The following ZFAND5 variants were observed in gnomAD, a reference collection of about 807,000 sequenced individuals.
ZFAND5 encodes AN1-type zinc finger protein 5.
In ZFAND5, 4 loss-of-function variants were observed where a neutral mutation model predicts 23.6. That is an observed-to-expected ratio of 0.17 (90% CI 0.08 to 0.39). ZFAND5 has a LOEUF of 0.39. ZFAND5 is among the 10% of genes least tolerant of loss of function. ZFAND5 has a pLI of 1.00. For missense variants in ZFAND5, 161 were observed against 253.7 expected, an observed-to-expected ratio of 0.63 and a Z score of 2.48; for synonymous variants, 68 against 80.6, an observed-to-expected ratio of 0.84 and a Z score of 0.84.
intron 2 of ZFAND5, 122 bp from the exon 3 acceptor site, chr9:72,360,909 T>A (rs542627559): frequency 4.6e-4 from 394 of 851,348 alleles, no homozygotes; most frequent in Non-Finnish European, 5.8e-4. Flanking sequence ...CCGTTAATCA[T>A]TAAAAAGGGT....
rs1842073281 is a variant in ZFAND5, at chr9:72,360,773, A to G, written c.6T>C (p.Ala2=). ...GCCCCGGGGTCTGGTTAGTCTCCTG[A>G]GCCATATTTTTCTGCTATAGATGAA... is the stretch of plus-strand genomic sequence containing the variant. M[A]QETNQTPGPM... The change falls in exon 3 of 7, where the codon GCT becomes GCC. Residue 2 remains alanine (A), a synonymous_variant. Transcript: ENST00000376962. 1 of 1,599,816 alleles carries G rather than the reference A, an allele frequency of 6.3e-7. No individual in the cohort carries two copies. The highest frequency in any genetic ancestry group is 1.7e-5 in the Admixed American group (1 of 57,640).
At position 72,353,157 on chromosome 9, in the gene ZFAND5, T is replaced by C. The variant is rs1841822381; in HGVS notation, c.*2796A>G. ...GGGTGTAAATATTTGTCTGCTTATGTAAGGGAAACATGGTATATTATTAAA... is the reference window on the plus strand; with the variant it reads ...GGGTGTAAATATTTGTCTGCTTATGCAAGGGAAACATGGTATATTATTAAA... On this transcript the variant is annotated 3_prime_UTR_variant, in exon 7 of 7. Coordinates refer to ENST00000376962, the MANE Select transcript of ZFAND5 (RefSeq NM_001102420.3). 6.6e-6 allele frequency: 1 copy of C among 152,214 alleles called. No homozygotes were observed. 9.4% of individuals were successfully genotyped at this position (152,214 alleles called of 1,614,324 possible). A position where few individuals can be genotyped will look rare whatever the true frequency, so the allele number is the denominator to read the frequency against.
rs1258538607 is a variant in ZFAND5 at position 72,360,730 on chromosome 9, C to T, written c.49G>A (p.Gly17Arg). The T allele has an allele frequency of 6.2e-7, 1 of 1,613,578 alleles. No homozygotes were observed. The highest frequency in any genetic ancestry group is 8.5e-7 in the Non-Finnish European group (1 of 1,179,584). ...QTPGPMLCST[G>R]CGFYGNPRTN... is the part of the protein sequence containing the mutation. ...CTAGGATTTCCATAAAAGCCACATC[C>T]TGTGCTACACAGCATGGGCCCCGGG... The change falls in exon 3 of 7, where the codon GGA (glycine) becomes AGA (arginine). Residue 17 changes from glycine to arginine, a missense_variant. Physicochemically the swap from Gly to Arg is moderately radical, Grantham distance 125 (BLOSUM62 -2). Transcript: ENST00000376962.
intron 2 of ZFAND5, among the ~76,000 whole-genome samples, chr9:72,363,003 G>T (rs1842149114): frequency 6.6e-6 from 1 of 152,144 alleles, no homozygotes; most frequent in Non-Finnish European, 1.5e-5. Flanking sequence ...CAAAAAAAGG[G>T]CTGCTAGTTT....
chr9:72,364,673 A>T, intron 1 of ZFAND5, 23 bp downstream of exon 1: 2 of 1,097,426 alleles, frequency 1.8e-6, no homozygotes, highest in Non-Finnish European at 2.3e-6. Context: ...CCCGGCTCCC[A>T]CCCGCAGCCC....
chr9:72,360,330 TTCACTGTGCTG>T, intron 3 of ZFAND5, 109 bp from the exon 4 acceptor site: 1 of 973,486 alleles, frequency 1.0e-6, no homozygotes, highest in South Asian at 1.5e-5. Flanking sequence ...GATATAAGCA[TTCACTGTGCTG>T]TAATCCTATA....
Position 72,360,458 on chromosome 9 carries a change from T to C in ZFAND5, c.151+170A>G, listed in dbSNP as rs554616559. The C allele has an allele frequency of 2.6e-5, 24 of 929,982 alleles. 1 individual carries two copies. In the African/African-American group the frequency reaches 2.6e-4, roughly 10 times the overall value. 57.6% of individuals were successfully genotyped at this position (929,982 alleles called of 1,614,324 possible). On this transcript the variant is annotated intron_variant, in intron 3 of 6. Transcript: ENST00000376962. ...TGAAAAGCTATAAGATGCTTGTAGA[T>C]AGTCATTCATTCCTGATCAGTCATG...
In ZFAND5 at chr9:72,353,290, C is replaced by T. The variant is rs1841825801; in HGVS notation, c.*2663G>A. ...TCTCAGGTGCCTTACACACTGATTCCCTTTCTCCCCAGTCAATGGACAACC... is the reference window on the plus strand; with the variant it reads ...TCTCAGGTGCCTTACACACTGATTCTCTTTCTCCCCAGTCAATGGACAACC... On this transcript the variant is annotated 3_prime_UTR_variant, in exon 7 of 7. Coordinates refer to ENST00000376962, the MANE Select transcript of ZFAND5 (RefSeq NM_001102420.3). 6.6e-6 allele frequency: 1 copy of T among 152,154 alleles called. No individual in the cohort carries two copies. The highest frequency in any genetic ancestry group is 2.4e-5 in the African/African-American group (1 of 41,428). 9.4% of individuals were successfully genotyped at this position (152,154 alleles called of 1,614,324 possible). A position where few individuals can be genotyped will look rare whatever the true frequency, so the allele number is the denominator to read the frequency against.
intron 2 of ZFAND5, among the ~76,000 whole-genome samples, chr9:72,362,397 G>A (rs1310780599): frequency 6.6e-6 from 1 of 152,202 alleles, no homozygotes; most frequent in Non-Finnish European, 1.5e-5. Flanking sequence ...ATGCATGAAA[G>A]TTGGGTCACT....
rs1432907366 is a variant in ZFAND5 at position 72,354,192 on chromosome 9, A to C, written c.*1761T>G. ...AACATCATCTTTTACAACATGGAGAAGCGAGGTAGGCCATAATTGTTCAAA... is the reference window on the plus strand; with the variant it reads ...AACATCATCTTTTACAACATGGAGACGCGAGGTAGGCCATAATTGTTCAAA... On this transcript the variant is annotated 3_prime_UTR_variant, in exon 7 of 7. Coordinates refer to ENST00000376962, the MANE Select transcript of ZFAND5 (RefSeq NM_001102420.3). 2 of 152,248 alleles carry C rather than the reference A, an allele frequency of 1.3e-5. No individual in the cohort carries two copies. The highest frequency in any genetic ancestry group is 2.9e-5 in the Non-Finnish European group (2 of 68,046). 9.4% of individuals were successfully genotyped at this position (152,248 alleles called of 1,614,324 possible).
intron 4 of ZFAND5, 75 bp from the exon 5 acceptor site, chr9:72,359,596 A>C: frequency 3.0e-6 from 4 of 1,327,622 alleles, no homozygotes; most frequent in Non-Finnish European, 4.2e-6. Context: ...TTGTCAGTTC[A>C]ACTTTAAATT....
At chr9:72,360,366 CA>C (rs534224632) in intron 3 of ZFAND5, 145 bp from the exon 4 acceptor site, 1 of 857,332 alleles carries the variant, frequency 1.2e-6, no homozygotes, top group Non-Finnish European at 1.8e-6. Flanking sequence ...AGTATCCAAA[CA>C]AAAAATATTA....
Position 72,351,771 on chromosome 9 carries a change from G to A in ZFAND5, c.*4182C>T, listed in dbSNP as rs745504942. The A allele has an allele frequency of 1.3e-5, 2 of 152,100 alleles. No homozygotes were observed. The highest frequency in any genetic ancestry group is 2.9e-5 in the Non-Finnish European group (2 of 68,022). The allele number at this position is 152,100 out of a possible 1,614,324, so 9.4% of individuals were successfully genotyped here. A position where few individuals can be genotyped will look rare whatever the true frequency, so the allele number is the denominator to read the frequency against. On this transcript the variant is annotated 3_prime_UTR_variant, in exon 7 of 7. Coordinates refer to ENST00000376962, the MANE Select transcript of ZFAND5 (RefSeq NM_001102420.3). ...ATTCACCATGACTGACATGGTGCAT[G>A]TTCACTTGTTTTTAAAGCAGATTGT...
chr9:72,356,823 CT>C (rs34407229), intron 6 of ZFAND5, 107 bp downstream of exon 6: 411,863 of 1,099,302 alleles, frequency 0.37, 26,779 homozygotes, highest in African/African-American at 0.56. Context: ...GCTAGTCAGG[CT>C]TTTTTTTTTT....
chr9:72,359,623 A>G (rs1180388004), intron 4 of ZFAND5, 102 bp from the exon 5 acceptor site: 2 of 1,053,328 alleles, frequency 1.9e-6, no homozygotes, highest in African/African-American at 3.2e-5. Context: ...TATTTCCAAA[A>G]TGAGCAAATG....
chr9:72,361,322 A>T (rs2131983161), intron 2 of ZFAND5, among the ~76,000 whole-genome samples: 1 of 150,572 alleles, frequency 6.6e-6, no homozygotes, highest in East Asian at 2.0e-4. Flanking sequence ...ATGCTGAAAC[A>T]TCTTCATATA....
At chr9:72,356,785 C>T (rs896565960) in intron 6 of ZFAND5, 146 bp downstream of exon 6, 2 of 988,262 alleles carry the variant, frequency 2.0e-6, no homozygotes, top group South Asian at 4.7e-5. Context: ...CACCCCAATA[C>T]CACCTCCTCC....
rs1841781866 is a variant in ZFAND5, at chr9:72,351,845, G to A, written c.*4108C>T. On this transcript the variant is annotated 3_prime_UTR_variant, in exon 7 of 7. Coordinates refer to ENST00000376962, the MANE Select transcript of ZFAND5 (RefSeq NM_001102420.3). ...GAAACTGTATTTCCAGTTTCTTTTT[G>A]TTAACAGCCTGTTGCCTCACCCATG... 2 of 152,080 alleles carry A rather than the reference G, an allele frequency of 1.3e-5. No individual in the cohort carries two copies. Among genetic ancestry groups the A allele is most frequent in the Admixed American group, 1.3e-4 (2 of 15,276 alleles). The allele number at this position is 152,080 out of a possible 1,614,324, so 9.4% of individuals were successfully genotyped here.
rs1841790055 is a variant in ZFAND5, at chr9:72,352,156, A to G, written c.*3797T>C. 1 of 152,136 alleles carries G rather than the reference A, an allele frequency of 6.6e-6. No individual in the cohort carries two copies. The highest frequency in any genetic ancestry group is 1.5e-5 in the Non-Finnish European group (1 of 68,060). 9.4% of individuals were successfully genotyped at this position (152,136 alleles called of 1,614,324 possible). A position where few individuals can be genotyped will look rare whatever the true frequency, so the allele number is the denominator to read the frequency against. On this transcript the variant is annotated 3_prime_UTR_variant, in exon 7 of 7. Transcript: ENST00000376962. ...AAAAATACAAAAAAACCCAAAAAAC[A>G]AAAAACATTAGCCAGGTGTGGTGAC...
Sources: allele counts gnomAD v4.1 joint callset (sites outside exome capture counted in the v4.1 genomes callset), GRCh38; gene constraint gnomAD v4.1.1; transcripts MANE v1.5; gene names NCBI Gene and HGNC (gene_info 2026-07-23, HGNC 2026-07-21).